Variants in RANBP17 observed in about 807,000 individuals in gnomAD.
RANBP17 encodes RAN binding protein 17, also known as ran-binding protein 17.
In RANBP17, 158 loss-of-function variants were observed where a neutral mutation model predicts 141.2. The observed-to-expected ratio is 1.12, with a 90% CI of 0.98 to 1.28. RANBP17 has a LOEUF of 1.28. Ranked by LOEUF, RANBP17 falls within the 50% of genes most tolerant of loss-of-function variation. The pLI is 0.00. For missense variants in RANBP17, 1,438 were observed against 1,290.7 expected (o/e 1.11, Z -1.75); for synonymous variants, 430 against 450.0 (o/e 0.96, Z 0.56).
chr5:171,000,362 G>A lies in RANBP17; in HGVS notation c.1710+31985G>A, dbSNP rs373278053. 5.2e-4 allele frequency among the ~76,000 whole-genome samples: 79 copies of A among 152,122 alleles called. 3 individuals are homozygous for A. In the South Asian group the frequency reaches 0.015, roughly 29 times the overall value. Reference sequence around the variant, plus strand: ...TTCCACCAGCATTGCACAAGGATTCGAGTTTCTCCACATCCTCACCAACAC... The same window carrying A: ...TTCCACCAGCATTGCACAAGGATTCAAGTTTCTCCACATCCTCACCAACAC... On this transcript the variant is annotated intron_variant, in intron 14 of 27. Transcript: ENST00000523189.
intron 14 of RANBP17, among the ~76,000 whole-genome samples, chr5:171,077,124 G>A (rs779536268): frequency 9.2e-5 from 14 of 152,126 alleles, no homozygotes; most frequent in Non-Finnish European, 1.5e-4. Flanking sequence ...TGGATCATGA[G>A]GTCAGAAGAT....
At chr5:171,168,345 G>A (rs185944962) in intron 14 of RANBP17, among the ~76,000 whole-genome samples, 1 of 152,304 alleles carries the variant, frequency 6.6e-6, no homozygotes, top group Non-Finnish European at 1.5e-5. Context: ...ATAAAAATCT[G>A]AAATTGCATG....
intron 14 of RANBP17, among the ~76,000 whole-genome samples, chr5:171,034,665 C>T (rs1781758451): frequency 6.6e-6 from 1 of 152,186 alleles, no homozygotes; most frequent in Admixed American, 6.5e-5. Flanking sequence ...ATGTTAAAAA[C>T]AGATGCAGTG....
At chr5:171,024,437 A>G (rs140467776) in intron 14 of RANBP17, among the ~76,000 whole-genome samples, 1 of 152,280 alleles carries the variant, frequency 6.6e-6, no homozygotes, top group African/African-American at 2.4e-5. Context: ...CAATAATGGG[A>G]AAGTTGAGTA....
At chr5:171,025,267 G>T (rs1781155985) in intron 14 of RANBP17, among the ~76,000 whole-genome samples, 1 of 152,128 alleles carries the variant, frequency 6.6e-6, no homozygotes, top group South Asian at 2.1e-4. Flanking sequence ...AAAATCAGTG[G>T]CTTCCCAGTG....
At chr5:170,972,608 T>C (rs1251183102) in intron 14 of RANBP17, among the ~76,000 whole-genome samples, 1 of 152,194 alleles carries the variant, frequency 6.6e-6, no homozygotes, top group East Asian at 1.9e-4. Flanking sequence ...GATTTTATTA[T>C]TGATATGTTA....
intron 16 of RANBP17, 135 bp from the exon 17 acceptor site, chr5:171,183,032 T>G (rs570480965): frequency 3.5e-6 from 2 of 568,690 alleles, no homozygotes; most frequent in African/African-American, 3.8e-5. Flanking sequence ...GAAAGACGTT[T>G]CTATAGGAAT....
intron 14 of RANBP17, chr5:171,161,469 G>A (rs1160572091): frequency 1.0e-5 from 2 of 197,354 alleles, no homozygotes; most frequent in Non-Finnish European, 2.1e-5. Flanking sequence ...TAGTTAAGGT[G>A]AGTTGGGTTG....
chr5:171,002,096 A>G (rs1779243915), intron 14 of RANBP17, among the ~76,000 whole-genome samples: 1 of 152,084 alleles, frequency 6.6e-6, no homozygotes, highest in Non-Finnish European at 1.5e-5. Context: ...TTAGGGATAG[A>G]CCTCCACAAT....
chr5:171,098,984 G>A (rs151257169), intron 14 of RANBP17, among the ~76,000 whole-genome samples: 25 of 152,160 alleles, frequency 1.6e-4, no homozygotes, highest in African/African-American at 5.1e-4. Context: ...ATCTGTTTTG[G>A]TACCAGTACC....
intron 3 of RANBP17, among the ~76,000 whole-genome samples, chr5:170,887,370 A>G (rs1308713448): frequency 1.3e-5 from 2 of 152,164 alleles, no homozygotes; most frequent in African/African-American, 4.8e-5. Context: ...CACTGAACCA[A>G]GGTCACTTAG....
chr5:171,079,610 A>T (rs571533092), intron 14 of RANBP17, among the ~76,000 whole-genome samples: 94 of 152,350 alleles, frequency 6.2e-4, no homozygotes, highest in African/African-American at 2.2e-3. Flanking sequence ...CGGTCAGAAG[A>T]CACCAACATC....
intron 12 of RANBP17, among the ~76,000 whole-genome samples, chr5:170,950,830 A>G (rs909940797): frequency 6.6e-6 from 1 of 152,144 alleles, no homozygotes; most frequent in African/African-American, 2.4e-5. Flanking sequence ...GAATCAACCT[A>G]CATTCCCGTT....
chr5:171,197,357 A>G (rs1037553296), intron 18 of RANBP17, among the ~76,000 whole-genome samples: 2 of 152,202 alleles, frequency 1.3e-5, no homozygotes, highest in African/African-American at 4.8e-5. Flanking sequence ...TAATCTTCAC[A>G]GTGACCCTCA....
At chr5:171,292,660 A>G (rs1052492969) in intron 25 of RANBP17, among the ~76,000 whole-genome samples, 28 of 152,318 alleles carry the variant, frequency 1.8e-4, no homozygotes, top group African/African-American at 6.3e-4. Context: ...CTGTGGGAAC[A>G]GAAGAGCTTA....
chr5:171,287,357 G>T (rs1406588178), intron 25 of RANBP17, among the ~76,000 whole-genome samples: 2 of 152,120 alleles, frequency 1.3e-5, no homozygotes, highest in African/African-American at 4.8e-5. Context: ...GGGTGTGGTG[G>T]CCCGTGCCTA....
chr5:171,044,865 G>C (rs1270893438), intron 14 of RANBP17, among the ~76,000 whole-genome samples: 3 of 151,978 alleles, frequency 2.0e-5, no homozygotes, highest in African/African-American at 7.2e-5. Context: ...GATATTACTT[G>C]GGGAGTCTTT....
At chr5:171,070,552 A>G (rs1220212441) in intron 14 of RANBP17, among the ~76,000 whole-genome samples, 1 of 152,124 alleles carries the variant, frequency 6.6e-6, no homozygotes, top group East Asian at 1.9e-4. Flanking sequence ...TAGATATGTA[A>G]TAATTTCTGA....
At chr5:171,043,112 T>C (rs1782359429) in intron 14 of RANBP17, among the ~76,000 whole-genome samples, 1 of 152,196 alleles carries the variant, frequency 6.6e-6, no homozygotes, top group Non-Finnish European at 1.5e-5. Flanking sequence ...TACAGTATTT[T>C]CATGCAGATA....
Sources: allele counts gnomAD v4.1 joint callset (sites outside exome capture counted in the v4.1 genomes callset), GRCh38; gene constraint gnomAD v4.1.1; transcripts MANE v1.5; gene names NCBI Gene and HGNC (gene_info 2026-07-23, HGNC 2026-07-21).